Variants in NXN observed in about 807,000 individuals in gnomAD.
NXN encodes nucleoredoxin 1.
Under a neutral mutation model 48.6 loss-of-function variants are expected in NXN, and 16 were observed. That is an observed-to-expected ratio of 0.33 (90% confidence interval 0.22 to 0.50). The LOEUF is 0.50. Ranked by LOEUF, NXN falls within the 20% of genes least tolerant of loss-of-function variation. The pLI, the probability that NXN is intolerant of heterozygous loss-of-function variation, is 0.98. For synonymous variants in NXN, 281 were observed against 269.6 expected (o/e 1.04, Z -0.41); for missense variants, 492 against 605.5 (o/e 0.81, Z 1.97).
chr17:819,390 G>A (rs1567816473), intron 5 of NXN, 49 bp downstream of exon 5: 1 of 1,329,610 alleles, frequency 7.5e-7, no homozygotes, highest in Non-Finnish European at 1.1e-6. Flanking sequence ...GTGAGCTCAG[G>A]TGAGCAGGTT....
At chr17:844,968 G>A (rs1421185743) in intron 1 of NXN, among the ~76,000 whole-genome samples, 2 of 152,096 alleles carry the variant, frequency 1.3e-5, no homozygotes, top group African/African-American at 4.8e-5. Context: ...GCAGGTGCCC[G>A]AGGACAGGAC....
At chr17:833,508 C>T (rs1913612638) in intron 1 of NXN, among the ~76,000 whole-genome samples, 1 of 152,132 alleles carries the variant, frequency 6.6e-6, no homozygotes, top group African/African-American at 2.4e-5. Flanking sequence ...TGAGGGGCCC[C>T]TCGAGTCCAC....
chr17:811,696 G>C (rs1046220732), intron 5 of NXN, among the ~76,000 whole-genome samples: 1 of 152,216 alleles, frequency 6.6e-6, no homozygotes, highest in East Asian at 1.9e-4. Context: ...TGGCCAGGCC[G>C]GCCTGGGGCC....
intron 1 of NXN, among the ~76,000 whole-genome samples, chr17:853,592 G>A (rs2067948414): frequency 1.3e-5 from 2 of 151,464 alleles, no homozygotes; most frequent in Non-Finnish European, 1.5e-5. Flanking sequence ...GCTCTTCGGG[G>A]GAGCCTTCTC....
intron 1 of NXN, among the ~76,000 whole-genome samples, chr17:858,079 T>C (rs1466679871): frequency 6.6e-6 from 1 of 151,436 alleles, no homozygotes; most frequent in Non-Finnish European, 1.5e-5. Flanking sequence ...CAAGTGATCC[T>C]CCCACCCCAG....
At chr17:846,628 G>C (rs562010103) in intron 1 of NXN, among the ~76,000 whole-genome samples, 1 of 152,132 alleles carries the variant, frequency 6.6e-6, no homozygotes, top group East Asian at 1.9e-4. Flanking sequence ...GGCCGGAGTC[G>C]GGTCTTATAA....
intron 1 of NXN, among the ~76,000 whole-genome samples, chr17:841,911 C>T (rs11658411): frequency 0.043 from 6,486 of 152,148 alleles, 262 homozygotes; most frequent in East Asian, 0.24. Flanking sequence ...CCGAGGTGGG[C>T]GGATCACCTG....
chr17:830,897 G>A lies in NXN; in HGVS notation c.361-4819C>T, dbSNP rs1281479389. Among the ~76,000 whole-genome samples the A allele has an allele frequency of 6.6e-6, 1 of 151,968 alleles. No homozygotes were observed. The highest frequency in any genetic ancestry group is 2.4e-5 in the African/African-American group (1 of 41,358). On this transcript the variant is annotated intron_variant, in intron 1 of 7. Transcript: ENST00000336868. This position sits in a 1 kb window ranked among gnomAD's most constrained non-coding sequence, Gnocchi z 4.2. ...CACCTGTAATCCCAGCTACTCAGAG[G>A]GCTGAGGCAGGAGAATCACTTGAAC...
chr17:832,924 G>GCT (rs952139628), intron 1 of NXN, among the ~76,000 whole-genome samples: 3 of 151,920 alleles, frequency 2.0e-5, no homozygotes, highest in African/African-American at 7.3e-5. Context: ...ACGGAGTCTC[G>GCT]CTGTCCCCCA....
At chr17:857,544 G>A (rs1193610115) in intron 1 of NXN, among the ~76,000 whole-genome samples, 1 of 152,212 alleles carries the variant, frequency 6.6e-6, no homozygotes, top group Admixed American at 6.5e-5. Context: ...ACAGGTGTGA[G>A]ACACCACACC....
chr17:809,854 G>T lies in NXN; in HGVS notation c.821-4607C>A, dbSNP rs79658631. Among the ~76,000 whole-genome samples, 2 of 133,586 alleles carry T rather than the reference G, an allele frequency of 1.5e-5. 1 individual carries two copies. Among genetic ancestry groups the T allele is most frequent in the South Asian group, 5.0e-4 (2 of 4,026 alleles). The allele number at this position is 133,586 out of a possible 152,430, so 87.6% of individuals were successfully genotyped here. ...CACCTTACGAGCCAGTGCGAGCGGC[G>T]GGCACCTTACGAGTCAGTGTGAGTG... On this transcript the variant is annotated intron_variant, in intron 5 of 7. Coordinates refer to ENST00000336868, the MANE Select transcript of NXN (RefSeq NM_022463.5).
intron 7 of NXN, among the ~76,000 whole-genome samples, chr17:802,339 C>T (rs373914433): frequency 6.6e-6 from 1 of 152,152 alleles, no homozygotes; most frequent in Admixed American, 6.6e-5. Context: ...CAGACGGGAG[C>T]CAGCAAACTG....
intron 1 of NXN, among the ~76,000 whole-genome samples, chr17:852,416 T>C (rs1357416116): frequency 6.6e-6 from 1 of 152,146 alleles, no homozygotes; most frequent in Non-Finnish European, 1.5e-5. Context: ...CTCCCCAAAC[T>C]CAACCCTGTT....
At chr17:812,619 T>A (rs111373317) in intron 5 of NXN, among the ~76,000 whole-genome samples, 1 of 149,158 alleles carries the variant, frequency 6.7e-6, no homozygotes, top group Non-Finnish European at 1.5e-5. Context: ...TGTGTGAGTG[T>A]AGGTGAGTGT....
intron 1 of NXN, among the ~76,000 whole-genome samples, chr17:831,208 C>T (rs1466894528): frequency 6.6e-6 from 1 of 151,888 alleles, no homozygotes; most frequent in East Asian, 1.9e-4. Context: ...ACCTGTAATC[C>T]CAGCACTTAG....
intron 5 of NXN, among the ~76,000 whole-genome samples, chr17:818,270 T>C (rs1912596618): frequency 6.6e-6 from 1 of 151,884 alleles, no homozygotes; most frequent in African/African-American, 2.4e-5. Flanking sequence ...TAAAAATATA[T>C]ATATAATTTC....
intron 1 of NXN, among the ~76,000 whole-genome samples, chr17:941,796 C>CAA (rs2068978652): frequency 1.8e-5 from 1 of 56,296 alleles, no homozygotes; most frequent in African/African-American, 8.8e-5. Context: ...GAACTCACAT[C>CAA]ACACCTTCCT....
intron 4 of NXN, 148 bp from the exon 5 acceptor site, chr17:819,693 T>G: frequency 1.7e-6 from 1 of 576,274 alleles, no homozygotes; most frequent in Non-Finnish European, 3.0e-6. Flanking sequence ...GCTATGGGAG[T>G]GTGTTATTCT....
At chr17:813,813 A>G (rs925049506) in intron 5 of NXN, among the ~76,000 whole-genome samples, 2 of 152,050 alleles carry the variant, frequency 1.3e-5, no homozygotes, top group East Asian at 3.9e-4. Flanking sequence ...TAAAAATACA[A>G]AAATTAGCTG....
Sources: gnomAD v4.1 joint callset for allele counts (sites outside exome capture counted in the v4.1 genomes callset) on GRCh38, gnomAD v4.1.1 for gene constraint, Gnocchi (gnomAD v3.1) non-coding constraint, MANE v1.5 for transcripts, NCBI Gene and HGNC (gene_info 2026-07-23, HGNC 2026-07-21) for gene names.